The following ASTN2 variants were observed in gnomAD, a reference collection of about 807,000 sequenced individuals.
ASTN2 encodes astrotactin 2, also known as astrotactin-2.
In ASTN2, 54 loss-of-function variants were observed where a neutral mutation model predicts 139.8. That is an observed-to-expected ratio of 0.39 (90% CI 0.31 to 0.48). The LOEUF (loss-of-function observed/expected upper bound fraction) is 0.48. Among genes scored for constraint, ASTN2 ranks in the 20% least tolerant of loss-of-function variants. ASTN2 has a pLI of 0.95. For synonymous variants in ASTN2, 756 were observed against 719.5 expected (o/e 1.05, Z -0.81); for missense variants, 1,565 against 1,725.1 (o/e 0.91, Z 1.64).
chr9:116,481,944 C>A (rs1050487158), intron 20 of ASTN2, among the ~76,000 whole-genome samples: 1 of 152,178 alleles, frequency 6.6e-6, no homozygotes, highest in African/African-American at 2.4e-5. Context: ...TGAATCTGAG[C>A]TCTACTCCTT....
At chr9:116,442,642 T>C (rs961971812) in intron 20 of ASTN2, 89 bp from the exon 21 acceptor site, 1 of 1,003,242 alleles carries the variant, frequency 1.0e-6, no homozygotes, top group African/African-American at 1.6e-5. Context: ...TCATGGCACA[T>C]GAGGCTACAG....
At chr9:116,526,301 G>T (rs1429813757) in intron 19 of ASTN2, among the ~76,000 whole-genome samples, 2 of 152,152 alleles carry the variant, frequency 1.3e-5, no homozygotes, top group African/African-American at 4.8e-5. Context: ...TACTCTGTGG[G>T]GTTGGTGTGA....
At chr9:117,141,292 T>C in intron 4 of ASTN2, 34 bp downstream of exon 4, 1 of 1,362,966 alleles carries the variant, frequency 7.3e-7, no homozygotes, top group Non-Finnish European at 9.8e-7. Flanking sequence ...GACAACCTTC[T>C]GACTTCCTGG....
chr9:116,480,007 G>A (rs1358463378), intron 20 of ASTN2, among the ~76,000 whole-genome samples: 1 of 152,076 alleles, frequency 6.6e-6, no homozygotes, highest in East Asian at 1.9e-4. Context: ...GAGAATAGTA[G>A]CAACTACCTT....
intron 1 of ASTN2, among the ~76,000 whole-genome samples, chr9:117,394,557 G>T (rs1452954527): frequency 6.6e-6 from 1 of 152,152 alleles, no homozygotes; most frequent in Non-Finnish European, 1.5e-5. Flanking sequence ...AGGCAAAGAG[G>T]GAAAGCGGGA....
intron 2 of ASTN2, among the ~76,000 whole-genome samples, chr9:117,255,973 T>C (rs1221597771): frequency 1.3e-5 from 2 of 152,176 alleles, no homozygotes; most frequent in Non-Finnish European, 2.9e-5. Flanking sequence ...TAATCATCTA[T>C]CCAAGGGAAA....
intron 6 of ASTN2, among the ~76,000 whole-genome samples, chr9:117,036,804 A>T (rs1412500097): frequency 1.3e-5 from 2 of 152,156 alleles, no homozygotes; most frequent in African/African-American, 4.8e-5. Flanking sequence ...GTGCTTTCCC[A>T]CATGGTCTGC....
rs200723784 is a variant in ASTN2, at chr9:116,538,560, TC to T, written c.3356-51061del. On this transcript the variant is annotated intron_variant, in intron 19 of 22. Transcript: ENST00000313400. ...TTCGACTTGTGAATTCTAAATTCACTCAAGTTTTAAGGTTTTGTGTCCTAAG... is the reference window on the plus strand; with the variant it reads ...TTCGACTTGTGAATTCTAAATTCACTAAGTTTTAAGGTTTTGTGTCCTAAG... Among the ~76,000 whole-genome samples, 216 of 152,330 alleles carry T rather than the reference TC, an allele frequency of 1.4e-3. 6 individuals are homozygous for T. In the East Asian group the frequency reaches 0.04, roughly 28 times the overall value.
chr9:117,364,950 AAC>A (rs71379275), intron 1 of ASTN2, among the ~76,000 whole-genome samples: 25,548 of 121,238 alleles, frequency 0.21, 2,578 homozygotes, highest in Non-Finnish European at 0.23. Flanking sequence ...CCATCTCTAC[AAC>A]ACACACACAC....
chr9:116,564,332 A>G (rs1853074256), intron 19 of ASTN2, among the ~76,000 whole-genome samples: 1 of 152,202 alleles, frequency 6.6e-6, no homozygotes, highest in Admixed American at 6.5e-5. Context: ...GGATGGATAA[A>G]TGATGGCATG....
intron 10 of ASTN2, among the ~76,000 whole-genome samples, chr9:116,943,807 C>T (rs1008968455): frequency 1.3e-5 from 2 of 152,176 alleles, no homozygotes; most frequent in Admixed American, 6.5e-5. Context: ...TGTTTCTTTC[C>T]ATTCTATCTT....
At chr9:117,409,976 T>C (rs1034864033) in intron 1 of ASTN2, among the ~76,000 whole-genome samples, 43 of 152,308 alleles carry the variant, frequency 2.8e-4, no homozygotes, top group Non-Finnish European at 1.8e-4. Flanking sequence ...GCCTTTGGGA[T>C]GGTCCTTTGG....
Position 117,051,416 on chromosome 9 carries a change from T to C in ASTN2, c.1277-11451A>G, listed in dbSNP as rs77846142. ...AAAGCTATTGAGAGGCAAACCAGGA[T>C]TCAAATCCAGATCTAGATATCAGAG... On this transcript the variant is annotated intron_variant, in intron 5 of 22. Transcript: ENST00000313400. 8.3e-3 allele frequency among the ~76,000 whole-genome samples: 1,257 copies of C among 152,228 alleles called. 9 individuals are homozygous for C. Among genetic ancestry groups the C allele is most frequent in the East Asian group, 0.036 (184 of 5,166 alleles).
At chr9:116,766,946 T>C (rs894610820) in intron 13 of ASTN2, among the ~76,000 whole-genome samples, 2 of 151,512 alleles carry the variant, frequency 1.3e-5, no homozygotes, top group Non-Finnish European at 2.9e-5. Flanking sequence ...TTCATACTTA[T>C]ACACCTAAAC....
chr9:116,481,498 T>C (rs1383277570), intron 20 of ASTN2, among the ~76,000 whole-genome samples: 1 of 152,222 alleles, frequency 6.6e-6, no homozygotes, highest in African/African-American at 2.4e-5. Context: ...TTTAAAATTA[T>C]GTGCATGTGC....
chr9:116,513,331 C>T (rs897072179), intron 19 of ASTN2, among the ~76,000 whole-genome samples: 4 of 152,204 alleles, frequency 2.6e-5, no homozygotes, highest in South Asian at 2.1e-4. Context: ...TATTGGCCCC[C>T]ACTCTCTTCT....
chr9:116,697,764 C>T (rs947063278), intron 16 of ASTN2: 2 of 1,614,014 alleles, frequency 1.2e-6, no homozygotes, highest in African/African-American at 1.3e-5. Flanking sequence ...AGCAGCTTCT[C>T]ACCTGAACCT....
At chr9:116,828,620 A>G (rs559928207) in intron 11 of ASTN2, among the ~76,000 whole-genome samples, 81 of 152,262 alleles carry the variant, frequency 5.3e-4, no homozygotes, top group Non-Finnish European at 9.9e-4. Context: ...CTGGGGAAAA[A>G]AAAGCATTTC....
chr9:116,451,678 T>A (rs1318124846), intron 20 of ASTN2, among the ~76,000 whole-genome samples: 3 of 152,188 alleles, frequency 2.0e-5, no homozygotes, highest in African/African-American at 7.2e-5. Context: ...TCTTGCTGGA[T>A]CTTCTGTCTG....
Sources: allele counts gnomAD v4.1 joint callset (sites outside exome capture counted in the v4.1 genomes callset), GRCh38; gene constraint gnomAD v4.1.1; transcripts MANE v1.5; gene names NCBI Gene and HGNC (gene_info 2026-07-23, HGNC 2026-07-21).